The following PCSK2 variants were observed in gnomAD, a reference collection of about 807,000 sequenced individuals.
The protein encoded by PCSK2 is proprotein convertase subtilisin/kexin type 2, also known as neuroendocrine convertase 2.
Under a neutral mutation model 69.7 loss-of-function variants are expected in PCSK2, and 14 were observed. That is an observed-to-expected ratio of 0.20 (90% confidence interval 0.13 to 0.31). The LOEUF is 0.31. Among genes scored for constraint, PCSK2 ranks in the 10% least tolerant of loss-of-function variants. The pLI, the probability that PCSK2 is intolerant of heterozygous loss-of-function variation, is 1.00. For synonymous variants in PCSK2, 307 were observed against 320.7 expected (o/e 0.96, Z 0.46); for missense variants, 544 against 842.5 (o/e 0.65, Z 4.39).
At chr20:17,316,259 T>C (rs562642333) in intron 2 of PCSK2, among the ~76,000 whole-genome samples, 53 of 152,298 alleles carry the variant, frequency 3.5e-4, no homozygotes, top group African/African-American at 1.2e-3. Flanking sequence ...CGTTTCCTTC[T>C]CCATTGTCAC....
chr20:17,451,320 C>A lies in PCSK2; in HGVS notation c.886-2422C>A, dbSNP rs184629742. ...AAAATAACAATCATTTAATTTTGCTCTTGGGTCTACAGGTCAGCTGCGTTG... is the reference window on the plus strand; with the variant it reads ...AAAATAACAATCATTTAATTTTGCTATTGGGTCTACAGGTCAGCTGCGTTG... On this transcript the variant is annotated intron_variant, in intron 8 of 11. Transcript: ENST00000262545. 2.7e-3 allele frequency among the ~76,000 whole-genome samples: 413 copies of A among 152,282 alleles called. 2 individuals are homozygous for A. The highest frequency in any genetic ancestry group is 4.0e-3 in the Non-Finnish European group (271 of 68,022).
intron 4 of PCSK2, among the ~76,000 whole-genome samples, chr20:17,364,901 T>C (rs1238111722): frequency 6.6e-6 from 1 of 152,168 alleles, no homozygotes; most frequent in African/African-American, 2.4e-5. Context: ...TGGTTGCCAC[T>C]GGAGCTCAGC....
intron 5 of PCSK2, among the ~76,000 whole-genome samples, chr20:17,405,084 G>T (rs1182375406): frequency 6.6e-6 from 1 of 152,206 alleles, no homozygotes; most frequent in Admixed American, 6.5e-5. Flanking sequence ...GGGGCAACGT[G>T]CTTGCCAGCT....
intron 8 of PCSK2, among the ~76,000 whole-genome samples, chr20:17,441,823 G>A (rs542835807): frequency 1.5e-4 from 23 of 152,044 alleles, no homozygotes; most frequent in African/African-American, 3.1e-4. Context: ...ACAGCCAAAC[G>A]GCATCAGCAC....
intron 2 of PCSK2, among the ~76,000 whole-genome samples, chr20:17,316,115 T>A (rs1016884606): frequency 3.3e-5 from 5 of 152,238 alleles, no homozygotes; most frequent in African/African-American, 1.2e-4. Context: ...TCAGTCGTCC[T>A]GACCGCATAG....
intron 1 of PCSK2, among the ~76,000 whole-genome samples, chr20:17,239,684 T>C (rs1986484189): frequency 6.6e-6 from 1 of 151,900 alleles, no homozygotes; most frequent in Non-Finnish European, 1.5e-5. Context: ...ATTATTAAGG[T>C]CATTCAACAA....
At chr20:17,237,449 A>C (rs930475302) in intron 1 of PCSK2, among the ~76,000 whole-genome samples, 15 of 152,206 alleles carry the variant, frequency 9.9e-5, no homozygotes, top group Non-Finnish European at 2.2e-4. Flanking sequence ...TGGACATGAA[A>C]GGAGAAAGAG....
intron 10 of PCSK2, among the ~76,000 whole-genome samples, chr20:17,461,590 C>CTACA (rs1341040691): frequency 2.0e-5 from 3 of 152,232 alleles, no homozygotes; most frequent in Non-Finnish European, 2.9e-5. Flanking sequence ...AACCTTAAGA[C>CTACA]TACAGCATCA....
intron 2 of PCSK2, among the ~76,000 whole-genome samples, chr20:17,269,007 T>C (rs1168563600): frequency 6.6e-6 from 1 of 152,218 alleles, no homozygotes; most frequent in Non-Finnish European, 1.5e-5. Flanking sequence ...CCTGCATTAC[T>C]ATAGAATGAA....
chr20:17,389,697 C>T (rs1002430586), intron 5 of PCSK2, among the ~76,000 whole-genome samples: 4 of 152,138 alleles, frequency 2.6e-5, no homozygotes, highest in African/African-American at 9.7e-5. Flanking sequence ...GGGTTCAGTG[C>T]AGGGTTTACA....
chr20:17,453,816 C>T lies in PCSK2; in HGVS notation c.960C>T (p.Asp320=), dbSNP rs750145708. ...DGGSYDDCNC[D]GYASSMWTIS... ...GCAGCTATGACGACTGCAACTGCGA[C>T]GGCTACGCCTCCAGCATGTGGACCA... The change falls in exon 9 of 12, where the codon GAC becomes GAT. Residue 320 remains aspartate, a synonymous_variant. Coordinates refer to ENST00000262545, the MANE Select transcript of PCSK2 (RefSeq NM_002594.5). The surrounding 1 kb of genome is among the most constrained non-coding windows in gnomAD (Gnocchi z 4.0). The T allele has an allele frequency of 1.3e-4, 204 of 1,614,220 alleles. No homozygotes were observed. Among genetic ancestry groups the T allele is most frequent in the Middle Eastern group, 1.2e-3 (7 of 6,062 alleles).
chr20:17,248,175 GGTGTGTGTGTGT>G lies in PCSK2; in HGVS notation c.178-12036_178-12025del, dbSNP rs10640964. ...AGAACAAAGTGATGATATAAAAAAG[GGTGTGTGTGTGT>G]GTGTGTGTGTGTGTGTGTGTGTGTG... On this transcript the variant is annotated intron_variant, in intron 1 of 11. Coordinates refer to ENST00000262545, the MANE Select transcript of PCSK2 (RefSeq NM_002594.5). 2.6e-4 allele frequency among the ~76,000 whole-genome samples: 37 copies of G among 144,424 alleles called. 1 individual carries two copies. The highest frequency in any genetic ancestry group is 4.5e-4 in the South Asian group (2 of 4,426). 94.7% of individuals were successfully genotyped at this position (144,424 alleles called of 152,430 possible). A position where few individuals can be genotyped will look rare whatever the true frequency, so the allele number is the denominator to read the frequency against.
intron 2 of PCSK2, among the ~76,000 whole-genome samples, chr20:17,285,021 T>A (rs1034831213): frequency 6.4e-4 from 97 of 152,268 alleles, no homozygotes; most frequent in Admixed American, 4.5e-3. Context: ...ATGTCAGAGA[T>A]CTTATCTATA....
At chr20:17,391,035 T>G (rs561515907) in intron 5 of PCSK2, among the ~76,000 whole-genome samples, 172 of 152,374 alleles carry the variant, frequency 1.1e-3, no homozygotes, top group Non-Finnish European at 1.9e-3. Context: ...AAAGTTTTGC[T>G]GTTATAAACT....
intron 4 of PCSK2, among the ~76,000 whole-genome samples, chr20:17,364,519 G>C (rs541643315): frequency 5.9e-5 from 9 of 152,302 alleles, no homozygotes; most frequent in Admixed American, 1.3e-4. Flanking sequence ...GCAAGAGAGA[G>C]AGTGAGAGCC....
intron 6 of PCSK2, among the ~76,000 whole-genome samples, chr20:17,421,807 T>TAAAA (rs56376793): frequency 0.019 from 1,532 of 78,670 alleles, 30 homozygotes; most frequent in African/African-American, 0.029. Context: ...GGAAGAGAGG[T>TAAAA]AAAAAAAAAA....
At chr20:17,270,205 T>C (rs1475007060) in intron 2 of PCSK2, among the ~76,000 whole-genome samples, 1 of 152,178 alleles carries the variant, frequency 6.6e-6, no homozygotes, top group Non-Finnish European at 1.5e-5. Flanking sequence ...AAAAATTTTT[T>C]TTAATACTCT....
chr20:17,363,098 T>C (rs191485170), intron 4 of PCSK2, among the ~76,000 whole-genome samples: 162 of 152,362 alleles, frequency 1.1e-3, no homozygotes, highest in Admixed American at 1.8e-3. Context: ...CCAACCCTGA[T>C]ACCTAAGGGC....
At chr20:17,391,134 A>C (rs908009749) in intron 5 of PCSK2, among the ~76,000 whole-genome samples, 12 of 152,226 alleles carry the variant, frequency 7.9e-5, no homozygotes, top group Non-Finnish European at 1.8e-4. Flanking sequence ...TTTCTGAGTC[A>C]AGTAGTACAT....
Sources: allele counts gnomAD v4.1 joint callset (sites outside exome capture counted in the v4.1 genomes callset), GRCh38; gene constraint gnomAD v4.1.1; non-coding constraint Gnocchi (gnomAD v3.1); transcripts MANE v1.5; gene names NCBI Gene and HGNC (gene_info 2026-07-23, HGNC 2026-07-21).